KLHL41: variants seen among roughly 807,000 people sequenced by gnomAD.
The protein encoded by KLHL41 is kelch like family member 41.
KLHL41 carries 31 observed loss-of-function variants against 49.2 expected under a neutral mutation model. The observed-to-expected ratio is 0.63, with a 90% CI of 0.47 to 0.85. The LOEUF is 0.85. KLHL41 is among the 40% of genes least tolerant of loss of function. KLHL41 has a pLI of 0.00. For missense variants in KLHL41, 663 were observed against 726.7 expected (o/e 0.91, Z 1.01); for synonymous variants, 218 against 258.5 (o/e 0.84, Z 1.50).
intron 1 of KLHL41, among the ~76,000 whole-genome samples, chr2:169,513,640 C>T (rs1684064228): frequency 6.6e-6 from 1 of 152,188 alleles, no homozygotes; most frequent in Non-Finnish European, 1.5e-5. Context: ...CATTTGTATG[C>T]ACATCTATTC....
At position 169,525,749 on chromosome 2, in the gene KLHL41, C is replaced by CTTTAA; in HGVS notation, c.*58_*62dup. ...GAGGTGGTTTGTTTGGTGAATGGGG[C>CTTTAA]TTTAATTTATTCTGTTTTTTAAAAG... is the stretch of plus-strand genomic sequence containing the variant. On this transcript the variant is annotated 3_prime_UTR_variant, in exon 6 of 6. Transcript: ENST00000284669. The CTTTAA allele has an allele frequency of 1.0e-6, 1 of 979,264 alleles. No homozygotes were observed. The highest frequency in any genetic ancestry group is 1.6e-6 in the Non-Finnish European group (1 of 618,106). The allele number at this position is 979,264 out of a possible 1,614,324, so 60.7% of individuals were successfully genotyped here.
chr2:169,515,040 T>TC, intron 3 of KLHL41, 79 bp downstream of exon 3: 1 of 912,750 alleles, frequency 1.1e-6, no homozygotes, highest in Non-Finnish European at 1.6e-6. Context: ...CTTTTCTTTT[T>TC]TTTTTTTTTT....
Position 169,521,495 on chromosome 2 carries a change from G to C in KLHL41, c.1709+488G>C, listed in dbSNP as rs1684204139. The stretch of plus-strand genomic sequence containing the variant: ...TGCAACCTCGGCCTCCCAGGTTCAA[G>C]TGATTCTCCTGCCTCAGCCTCCCGA... On this transcript the variant is annotated intron_variant, in intron 5 of 5. Coordinates refer to ENST00000284669, the MANE Select transcript of KLHL41 (RefSeq NM_006063.3). 1.3e-5 allele frequency among the ~76,000 whole-genome samples: 2 copies of C among 152,206 alleles called. 1 individual carries two copies. The highest frequency in any genetic ancestry group is 4.8e-5 in the African/African-American group (2 of 41,452).
At position 169,518,372 on chromosome 2, in the gene KLHL41, A is replaced by C; in HGVS notation, c.1559A>C (p.Asn520Thr). ...GTTGAAGCTTTTGACCTTACAACAA[A>C]TAAGTGAGTTGCCACATCTTAGTAT... Reference protein sequence around the residue: ...ASVEAFDLTTNKWDVMTEFPQ... With the variant: ...ASVEAFDLTTTKWDVMTEFPQ... The change falls in exon 4 of 6, where the codon AAT becomes ACT. Residue 520 changes from asparagine to threonine, a missense_variant. Asn to Thr is a moderately conservative substitution (Grantham distance 65). This residue lies in a region of KLHL41 where 528 missense variants were observed against 581.0 expected (regional missense o/e 0.91). Coordinates refer to ENST00000284669, the MANE Select transcript of KLHL41 (RefSeq NM_006063.3). 1.9e-6 allele frequency: 3 copies of C among 1,607,270 alleles called. 1 individual carries two copies. Among genetic ancestry groups the C allele is most frequent in the Middle Eastern group, 3.3e-4 (2 of 6,030 alleles).
At position 169,514,691 on chromosome 2, in the gene KLHL41, A is replaced by T; in HGVS notation, c.1228A>T (p.Thr410Ser). Reference sequence around the variant, plus strand: ...TGTAGTTGCAGGCAAAGACCTTCAAACAGAGGCTTCGCTGGATTCAGTATT... The same window carrying T: ...TGTAGTTGCAGGCAAAGACCTTCAATCAGAGGCTTCGCTGGATTCAGTATT... ...IYVVAGKDLQTEASLDSVLCY... is the reference protein window; with the variant it reads ...IYVVAGKDLQSEASLDSVLCY... Residue 410 changes from threonine to serine, a missense_variant, in exon 2 of 6, where the codon ACA (threonine) becomes TCA (serine). Transcript: ENST00000284669. The T allele has an allele frequency of 6.2e-7, 1 of 1,614,078 alleles. No individual in the cohort carries two copies. Among genetic ancestry groups the T allele is most frequent in the Non-Finnish European group, 8.5e-7 (1 of 1,180,000 alleles).
intron 1 of KLHL41, among the ~76,000 whole-genome samples, chr2:169,512,277 G>T (rs1038839563): frequency 6.6e-6 from 1 of 152,018 alleles, no homozygotes; most frequent in African/African-American, 2.4e-5. Flanking sequence ...TAATTTTAAA[G>T]TCAAATAAAC....
rs1490404145 is a variant in KLHL41, at chr2:169,524,752, A to ATTAT, written c.1710-830_1710-827dup. Among the ~76,000 whole-genome samples the ATTAT allele has an allele frequency of 2.0e-5, 3 of 151,768 alleles. No individual in the cohort carries two copies. In the East Asian group the frequency reaches 5.8e-4, roughly 29 times the overall value. ...ACAATTTGTGGAGAGATATTAATAT[A>ATTAT]TTATTTGTCCTCAGATGCCTTTGAG... On this transcript the variant is annotated intron_variant, in intron 5 of 5. Coordinates refer to ENST00000284669, the MANE Select transcript of KLHL41 (RefSeq NM_006063.3).
chr2:169,518,274 G>A lies in KLHL41; in HGVS notation c.1461G>A (p.Met487Ile). The A allele has an allele frequency of 6.2e-7, 1 of 1,614,054 alleles. No individual in the cohort carries two copies. The highest frequency in any genetic ancestry group is 8.5e-7 in the Non-Finnish European group (1 of 1,179,928). The stretch of plus-strand genomic sequence containing the variant: ...CTCCAATGAAAATTCCTCGTTCCAT[G>A]TTTGGAGTAGCAGTCCATAAAGGCA... ...DLAPMKIPRS[M>I]FGVAVHKGKI... Residue 487 changes from methionine (M) to isoleucine (I), a missense_variant, in exon 4 of 6, where the codon ATG becomes ATA. Transcript: ENST00000284669.
In KLHL41 at chr2:169,525,516, G is replaced by C. The variant is rs189961158; in HGVS notation, c.1710-69G>C. The C allele has an allele frequency of 5.6e-5, 52 of 934,896 alleles. No homozygotes were observed. The Admixed American group carries it at 9.7e-4, about 17-fold the overall frequency. 57.9% of individuals were successfully genotyped at this position (934,896 alleles called of 1,614,324 possible). ...AGGGTTTTTTCAAAGATCCACATTT[G>C]TATTCTGAACACAGGGAAACCTATG... On this transcript the variant is annotated intron_variant, in intron 5 of 5. Coordinates refer to ENST00000284669, the MANE Select transcript of KLHL41 (RefSeq NM_006063.3).
intron 5 of KLHL41, among the ~76,000 whole-genome samples, chr2:169,524,484 G>C (rs1350440627): frequency 7.5e-6 from 1 of 133,558 alleles, no homozygotes; most frequent in African/African-American, 2.8e-5. Flanking sequence ...TGCAACCTCC[G>C]CCTCCCGGGT....
In KLHL41 at chr2:169,510,360, A is replaced by G; in HGVS notation, c.582A>G (p.Glu194=). Residue 194 remains glutamate, a synonymous_variant, in exon 1 of 6, where the codon GAA becomes GAG. Coordinates refer to ENST00000284669, the MANE Select transcript of KLHL41 (RefSeq NM_006063.3). The surrounding 1 kb of genome is among the most constrained non-coding windows in gnomAD (Gnocchi z 4.2). The part of the protein sequence containing the change: ...SNDSLNVEKE[E]AVFEAVMKWV... ...ACAGCCTAAATGTAGAAAAAGAAGA[A>G]GCAGTATTTGAGGCAGTGATGAAAT... 1.2e-6 allele frequency: 2 copies of G among 1,614,168 alleles called. No individual in the cohort carries two copies. Among genetic ancestry groups the G allele is most frequent in the East Asian group, 4.5e-5 (2 of 44,886 alleles).
intron 4 of KLHL41, among the ~76,000 whole-genome samples, chr2:169,520,302 G>A (rs1277069120): frequency 7.1e-5 from 8 of 113,392 alleles, no homozygotes; most frequent in African/African-American, 2.0e-4. Flanking sequence ...GTGTGTGTGT[G>A]TGTGTGTGTA....
intron 1 of KLHL41, chr2:169,514,128 C>G (rs540057116): frequency 2.0e-5 from 3 of 153,156 alleles, no homozygotes; most frequent in Admixed American, 6.5e-5. Flanking sequence ...TCCAGCTGTC[C>G]CAGCTGCCGG....
intron 1 of KLHL41, 178 bp from the exon 2 acceptor site, chr2:169,514,396 C>T: frequency 2.1e-6 from 1 of 475,780 alleles, no homozygotes; most frequent in Non-Finnish European, 3.7e-6. Flanking sequence ...TAGATTTACT[C>T]ATTCTTCTTG....
At chr2:169,513,729 C>T (rs1384118999) in intron 1 of KLHL41, among the ~76,000 whole-genome samples, 1 of 152,160 alleles carries the variant, frequency 6.6e-6, no homozygotes, top group African/African-American at 2.4e-5. Context: ...AACAAATCTG[C>T]AACTGTACTC....
rs762746290 is a variant in KLHL41, at chr2:169,520,599, G to A, written c.1563-262G>A. ...CCCAAATAGCTGAAATTACAAGTGC[G>A]CGCCACCGTGCCTGGCTAATTTTTT... On this transcript the variant is annotated intron_variant, in intron 4 of 5. Coordinates refer to ENST00000284669, the MANE Select transcript of KLHL41 (RefSeq NM_006063.3). Among the ~76,000 whole-genome samples the A allele has an allele frequency of 4.0e-4, 60 of 151,718 alleles. 1 individual carries two copies. The highest frequency in any genetic ancestry group is 2.6e-4 in the Admixed American group (4 of 15,216).
intron 5 of KLHL41, among the ~76,000 whole-genome samples, chr2:169,524,484 G>A (rs1350440627): frequency 7.5e-6 from 1 of 133,558 alleles, no homozygotes; most frequent in Non-Finnish European, 1.5e-5. Context: ...TGCAACCTCC[G>A]CCTCCCGGGT....
chr2:169,517,876 A>C (rs1684139607), intron 3 of KLHL41, among the ~76,000 whole-genome samples: 1 of 152,180 alleles, frequency 6.6e-6, no homozygotes, highest in South Asian at 2.1e-4. Flanking sequence ...AAGGTTTATG[A>C]TTTTATTTTT....
chr2:169,517,063 C>T (rs2105310696), intron 3 of KLHL41, among the ~76,000 whole-genome samples: 1 of 152,140 alleles, frequency 6.6e-6, no homozygotes, highest in Middle Eastern at 3.4e-3. Context: ...CCAGTTCCCA[C>T]TAATGAATTT....
Sources: gnomAD v4.1 joint callset for allele counts (sites outside exome capture counted in the v4.1 genomes callset) on GRCh38, gnomAD v4.1.1 for gene constraint, gnomAD v4.1.1 regional missense constraint, Gnocchi (gnomAD v3.1) non-coding constraint, MANE v1.5 for transcripts, NCBI Gene and HGNC (gene_info 2026-07-23, HGNC 2026-07-21) for gene names.